OTOGL: variants seen among roughly 807,000 people sequenced by gnomAD.
OTOGL encodes the protein otogelin like.
OTOGL carries 285 observed loss-of-function variants against 318.5 expected under a neutral mutation model. The ratio of observed to expected loss-of-function variants is 0.89; its 90% CI spans 0.81 to 0.99. OTOGL has a LOEUF of 0.99. Among genes scored for constraint, OTOGL ranks in the 50% least tolerant of loss-of-function variants. The probability of loss-of-function intolerance (pLI) is 0.00; values close to 1 mark genes in which losing one functional copy is unlikely to be tolerated. For synonymous variants in OTOGL, 987 were observed against 936.5 expected (o/e 1.05, Z -0.99); for missense variants, 2,899 against 2,845.6 (o/e 1.02, Z -0.43).
intron 7 of OTOGL, among the ~76,000 whole-genome samples, chr12:80,226,498 C>T (rs906683543): frequency 5.9e-5 from 9 of 152,118 alleles, no homozygotes; most frequent in Admixed American, 2.0e-4. Flanking sequence ...TTATCAGCTT[C>T]TCTTTTCCCT....
At chr12:80,259,935 A>G (rs1191619178) in intron 18 of OTOGL, among the ~76,000 whole-genome samples, 7 of 152,060 alleles carry the variant, frequency 4.6e-5, no homozygotes, top group African/African-American at 1.7e-4. Context: ...CAATTCAGAC[A>G]TTATTTGCCT....
intron 1 of OTOGL, among the ~76,000 whole-genome samples, chr12:80,139,771 T>A (rs1392077263): frequency 5.3e-5 from 8 of 152,184 alleles, no homozygotes; most frequent in Admixed American, 4.6e-4. Flanking sequence ...AAAATCACTT[T>A]AGGAAGGCTG....
chr12:80,161,748 C>T (rs76145766), intron 1 of OTOGL, among the ~76,000 whole-genome samples: 1,714 of 152,014 alleles, frequency 0.011, 24 homozygotes, highest in Middle Eastern at 0.058. Context: ...CTAGGACATA[C>T]GGGGGAGCTC....
intron 11 of OTOGL, among the ~76,000 whole-genome samples, chr12:80,246,232 T>G (rs1880871626): frequency 6.7e-6 from 1 of 149,470 alleles, no homozygotes; most frequent in Non-Finnish European, 1.5e-5. Flanking sequence ...AGCATCCCTG[T>G]CTTGTGCCGG....
chr12:80,298,036 A>G (rs1885526455), intron 27 of OTOGL, among the ~76,000 whole-genome samples: 1 of 152,226 alleles, frequency 6.6e-6, no homozygotes, highest in Admixed American at 6.5e-5. Context: ...AATTTAAAAG[A>G]ATGAATACAT....
chr12:80,292,867 G>A (rs1179944142), intron 26 of OTOGL, among the ~76,000 whole-genome samples: 1 of 152,116 alleles, frequency 6.6e-6, no homozygotes, highest in African/African-American at 2.4e-5. Flanking sequence ...ATTTGACAAT[G>A]ATTCTGGTGT....
At chr12:80,337,768 A>G (rs138477601) in intron 42 of OTOGL, among the ~76,000 whole-genome samples, 5 of 152,214 alleles carry the variant, frequency 3.3e-5, no homozygotes, top group African/African-American at 1.2e-4. Flanking sequence ...ATAGGTCCAT[A>G]GATTCTAGAC....
chr12:80,163,801 T>G (rs546508564), intron 1 of OTOGL, among the ~76,000 whole-genome samples: 10 of 152,168 alleles, frequency 6.6e-5, no homozygotes, highest in African/African-American at 2.4e-4. Flanking sequence ...CAAGCCCAAC[T>G]GTTGCAAGCA....
intron 11 of OTOGL, among the ~76,000 whole-genome samples, chr12:80,249,825 G>A (rs967394149): frequency 6.6e-6 from 1 of 152,082 alleles, no homozygotes; most frequent in Non-Finnish European, 1.5e-5. Flanking sequence ...AGACTCCGTG[G>A]GCGTAGGACC....
In OTOGL at chr12:80,377,967, G is replaced by T; in HGVS notation, c.6981G>T (p.Val2327=). 6.2e-7 allele frequency: 1 copy of T among 1,607,164 alleles called. No individual in the cohort carries two copies. The highest frequency in any genetic ancestry group is 1.1e-5 in the South Asian group (1 of 89,818). The change falls in exon 59 of 59, where the codon GTG becomes GTT. Residue 2327 remains valine (V), a synonymous_variant. Transcript: ENST00000547103. ...AAAATGGAGTACGAAACTTGTCTGT[G>T]CCTCTGTATTGCTCAGGAAATGGCA... ...CRENGVRNLS[V]PLYCSGNGTE... is the part of the protein sequence containing the mutation.
Position 80,128,741 on chromosome 12 carries a change from G to A in OTOGL, c.-20+29136G>A, listed in dbSNP as rs552756301. 2.2e-3 allele frequency among the ~76,000 whole-genome samples: 340 copies of A among 152,222 alleles called. 1 individual carries two copies. Among genetic ancestry groups the A allele is most frequent in the African/African-American group, 7.8e-3 (322 of 41,532 alleles). ...TACCTAGTCAAGCTTTGGCAATGTCGGGCACCCGTCCCCCAGCCTCGCTGC... is the reference window on the plus strand; with the variant it reads ...TACCTAGTCAAGCTTTGGCAATGTCAGGCACCCGTCCCCCAGCCTCGCTGC... On this transcript the variant is annotated intron_variant, in intron 1 of 58. Coordinates refer to ENST00000547103, the MANE Select transcript of OTOGL (RefSeq NM_001378609.3).
chr12:80,168,272 C>G (rs1476282968), intron 1 of OTOGL, among the ~76,000 whole-genome samples: 1 of 152,050 alleles, frequency 6.6e-6, no homozygotes, highest in Non-Finnish European at 1.5e-5. Flanking sequence ...GGAGAAAGTT[C>G]CTCCACTACA....
rs61729710 is a variant in OTOGL at position 80,342,124 on chromosome 12, T to A, written c.5227T>A (p.Leu1743Ile). 6.2e-4 allele frequency: 994 copies of A among 1,595,370 alleles called. 4 individuals carry two copies. The African/African-American group carries it at 0.01, about 17-fold the overall frequency. The change falls in exon 44 of 59, where the codon TTA (leucine) becomes ATA (isoleucine). Residue 1743 changes from leucine to isoleucine, a missense_variant. This residue lies in a region of OTOGL where 2,607 missense variants were observed against 2,524.9 expected (regional missense o/e 1.03). Transcript: ENST00000547103. ...GCATGATTGCAGCCAGTGCATTGAT[T>A]TATTAAATAGAAGAATTTTCATTCC... ...TEHDCSQCID[L>I]LNRRIFIPCH... is the part of the protein sequence containing the mutation.
intron 1 of OTOGL, among the ~76,000 whole-genome samples, chr12:80,200,997 T>G (rs2137284095): frequency 6.6e-6 from 1 of 152,232 alleles, no homozygotes; most frequent in Admixed American, 6.5e-5. Flanking sequence ...AGAAATAGCT[T>G]TGCTCTGGTG....
intron 32 of OTOGL, among the ~76,000 whole-genome samples, chr12:80,315,815 TAAAG>T (rs1399725941): frequency 6.6e-6 from 1 of 152,162 alleles, no homozygotes; most frequent in Non-Finnish European, 1.5e-5. Flanking sequence ...CTGTGGTAGT[TAAAG>T]AAAATCGAAC....
At chr12:80,373,901 G>A (rs1377914038) in intron 57 of OTOGL, among the ~76,000 whole-genome samples, 1 of 152,090 alleles carries the variant, frequency 6.6e-6, no homozygotes, top group Non-Finnish European at 1.5e-5. Flanking sequence ...AGAGGGCAGA[G>A]GCTGAATGAT....
intron 11 of OTOGL, among the ~76,000 whole-genome samples, chr12:80,242,651 C>G (rs1257041610): frequency 1.3e-5 from 2 of 152,006 alleles, no homozygotes; most frequent in East Asian, 3.9e-4. Context: ...GTATTGAATT[C>G]AATTCAACAC....
At chr12:80,280,932 G>C (rs973812499) in intron 26 of OTOGL, among the ~76,000 whole-genome samples, 1 of 151,580 alleles carries the variant, frequency 6.6e-6, no homozygotes, top group Non-Finnish European at 1.5e-5. Flanking sequence ...TGTATACCTA[G>C]GTATTTTTTT....
chr12:80,379,515 T>A lies in OTOGL; in HGVS notation c.*1467T>A, dbSNP rs1891351931. On this transcript the variant is annotated 3_prime_UTR_variant, in exon 59 of 59. Transcript: ENST00000547103. ...TGTATATGCAATTGATTTATCCTGT[T>A]TGTGCTTAATATAAGTGTTCCTGAG... 6.6e-6 allele frequency: 1 copy of A among 151,908 alleles called. No homozygotes were observed. The highest frequency in any genetic ancestry group is 1.5e-5 in the Non-Finnish European group (1 of 67,874). The allele number at this position is 151,908 out of a possible 1,614,324, so 9.4% of individuals were successfully genotyped here.
Sources: gnomAD v4.1 joint callset for allele counts (sites outside exome capture counted in the v4.1 genomes callset) on GRCh38, gnomAD v4.1.1 for gene constraint, gnomAD v4.1.1 regional missense constraint, MANE v1.5 for transcripts, NCBI Gene and HGNC (gene_info 2026-07-23, HGNC 2026-07-21) for gene names.